The following WDFY3 variants were observed in gnomAD, a reference collection of about 807,000 sequenced individuals.
WDFY3 encodes the protein WD repeat and FYVE domain-containing protein 3.
Under a neutral mutation model 409.6 loss-of-function variants are expected in WDFY3, and 66 were observed. The observed-to-expected ratio is 0.16, with a 90% CI of 0.13 to 0.20. The LOEUF (loss-of-function observed/expected upper bound fraction) is 0.20, where lower values mean the gene tolerates loss of function less well. Among genes scored for constraint, WDFY3 ranks in the 10% least tolerant of loss-of-function variants. The pLI is 1.00. For synonymous variants in WDFY3, 1,521 were observed against 1,537.1 expected (o/e 0.99, Z 0.25); for missense variants, 3,031 against 4,298.1 (o/e 0.71, Z 8.24).
chr4:84,817,924 G>A (rs1408453032), intron 12 of WDFY3, among the ~76,000 whole-genome samples: 2 of 152,016 alleles, frequency 1.3e-5, no homozygotes, highest in Non-Finnish European at 2.9e-5. Context: ...GGCTTTCAGA[G>A]GAACAATAGC....
At chr4:84,749,332 T>C (rs1740079554) in intron 36 of WDFY3, among the ~76,000 whole-genome samples, 1 of 152,208 alleles carries the variant, frequency 6.6e-6, no homozygotes. Flanking sequence ...TGTATATGTA[T>C]TCTGCATATG....
intron 34 of WDFY3, among the ~76,000 whole-genome samples, chr4:84,754,970 A>G (rs77798012): frequency 6.6e-6 from 1 of 152,158 alleles, no homozygotes; most frequent in Non-Finnish European, 1.5e-5. Flanking sequence ...TAAGAGATGC[A>G]TGCTATTATT....
At chr4:84,811,912 C>A (rs573404287) in intron 13 of WDFY3, among the ~76,000 whole-genome samples, 2 of 152,140 alleles carry the variant, frequency 1.3e-5, no homozygotes, top group East Asian at 3.9e-4. Context: ...ATACACATAG[C>A]CTGAAGGTAA....
intron 4 of WDFY3, among the ~76,000 whole-genome samples, chr4:84,850,751 C>T (rs1758801735): frequency 6.6e-6 from 1 of 151,986 alleles, no homozygotes; most frequent in Non-Finnish European, 1.5e-5. Flanking sequence ...ATTCACTAAA[C>T]TCATTTCATG....
At chr4:84,858,425 AAAAT>A (rs1363468777) in intron 4 of WDFY3, among the ~76,000 whole-genome samples, 2 of 152,328 alleles carry the variant, frequency 1.3e-5, no homozygotes, top group African/African-American at 2.4e-5. Flanking sequence ...ACATACTAAA[AAAAT>A]AAATAAATAA....
chr4:84,961,463 T>C (rs991702900), intron 1 of WDFY3, among the ~76,000 whole-genome samples: 3 of 152,136 alleles, frequency 2.0e-5, no homozygotes, highest in African/African-American at 7.2e-5. Flanking sequence ...AACAAAGCTT[T>C]ATCTACCTGT....
Position 84,833,848 on chromosome 4 carries a change from T to C in WDFY3, c.577-2243A>G, listed in dbSNP as rs1476828422. Among the ~76,000 whole-genome samples the C allele has an allele frequency of 5.3e-5, 8 of 152,096 alleles. No homozygotes were observed. The South Asian group carries it at 1.4e-3, about 28-fold the overall frequency. ...TCAAATGCAAAAACTTGCTTAGATA[T>C]AAAAGCTTTCTAATTCATAGCTGCC... On this transcript the variant is annotated intron_variant, in intron 7 of 67. Transcript: ENST00000295888.
intron 36 of WDFY3, among the ~76,000 whole-genome samples, chr4:84,750,261 C>G (rs1450568538): frequency 2.0e-5 from 3 of 152,030 alleles, no homozygotes; most frequent in Non-Finnish European, 4.4e-5. Context: ...TTAATTCTAC[C>G]ACATGCATTA....
intron 5 of WDFY3, chr4:84,844,606 C>CCAT: frequency 9.8e-7 from 1 of 1,021,398 alleles, no homozygotes; most frequent in Non-Finnish European, 1.3e-6. Context: ...TCCAGTCTCT[C>CCAT]CATTGCTGGA....
At chr4:84,894,878 G>A (rs1023283723) in intron 3 of WDFY3, among the ~76,000 whole-genome samples, 30 of 151,320 alleles carry the variant, frequency 2.0e-4, no homozygotes, top group African/African-American at 7.3e-4. Context: ...TGAACCTGGG[G>A]GGAGGAGATT....
Position 84,733,446 on chromosome 4 carries a change from C to T in WDFY3, c.7157G>A (p.Arg2386Gln). The change falls in exon 44 of 68, where the codon CGA (arginine) becomes CAA (glutamine). Residue 2386 changes from arginine (R) to glutamine (Q), a missense_variant. Arg to Gln is a conservative substitution (Grantham distance 43). Coordinates refer to ENST00000295888, the MANE Select transcript of WDFY3 (RefSeq NM_014991.6). ...GPCRMRKKMV[R>Q]NDMFYNHYPY... ...GTAATGGTTATAAAACATATCATTT[C>T]GCACCATCTTTTTCCTCATCCTGCA... 3.1e-6 allele frequency: 5 copies of T among 1,614,084 alleles called. No homozygotes were observed. Among genetic ancestry groups the T allele is most frequent in the Non-Finnish European group, 4.2e-6 (5 of 1,180,026 alleles).
chr4:84,871,302 T>C (rs998539322), intron 3 of WDFY3, among the ~76,000 whole-genome samples: 5 of 152,094 alleles, frequency 3.3e-5, no homozygotes, highest in Admixed American at 3.3e-4. Flanking sequence ...GCTTCTCATC[T>C]AAAACATGCA....
intron 4 of WDFY3, among the ~76,000 whole-genome samples, chr4:84,850,775 T>G (rs1211731653): frequency 1.3e-5 from 2 of 152,096 alleles, no homozygotes; most frequent in East Asian, 3.9e-4. Context: ...CAGAATTTCC[T>G]CAGTCTAATC....
At chr4:84,764,482 T>C (rs568127230) in intron 32 of WDFY3, among the ~76,000 whole-genome samples, 6 of 152,346 alleles carry the variant, frequency 3.9e-5, no homozygotes, top group African/African-American at 1.4e-4. Context: ...ATGGAAATGA[T>C]ATTACTTTTC....
At chr4:84,853,242 C>T (rs1038707774) in intron 4 of WDFY3, among the ~76,000 whole-genome samples, 4 of 152,206 alleles carry the variant, frequency 2.6e-5, no homozygotes, top group African/African-American at 9.6e-5. Context: ...ACAATCTCGG[C>T]TCACTGCAAC....
rs1256590901 is a variant in WDFY3, at chr4:84,672,217, G to A, written c.*651C>T. On this transcript the variant is annotated 3_prime_UTR_variant, in exon 68 of 68. Coordinates refer to ENST00000295888, the MANE Select transcript of WDFY3 (RefSeq NM_014991.6). The stretch of plus-strand genomic sequence containing the variant: ...CTAGCCTAGTTTAAGTGGAGATACT[G>A]TGGGCAACTTGAAAGAAATGACATC... The A allele has an allele frequency of 1.3e-5, 2 of 152,138 alleles. No individual in the cohort carries two copies. Among genetic ancestry groups the A allele is most frequent in the African/African-American group, 4.8e-5 (2 of 41,402 alleles). 9.4% of individuals were successfully genotyped at this position (152,138 alleles called of 1,614,324 possible).
chr4:84,822,869 C>T (rs1754286981), intron 10 of WDFY3, among the ~76,000 whole-genome samples: 1 of 152,148 alleles, frequency 6.6e-6, no homozygotes, highest in Non-Finnish European at 1.5e-5. Flanking sequence ...AAAAATTTAT[C>T]TTTGTTTCCT....
intron 32 of WDFY3, among the ~76,000 whole-genome samples, chr4:84,761,588 C>G (rs1331499223): frequency 1.3e-5 from 2 of 151,978 alleles, no homozygotes; most frequent in African/African-American, 4.8e-5. Flanking sequence ...AAAGCAATGG[C>G]AACAAAAGCC....
intron 4 of WDFY3, among the ~76,000 whole-genome samples, chr4:84,850,905 C>A (rs367853319): frequency 3.2e-5 from 2 of 62,380 alleles, no homozygotes; most frequent in Non-Finnish European, 6.5e-5. Flanking sequence ...ATAAATAATT[C>A]TTATTTTTAA....
Sources: allele counts gnomAD v4.1 joint callset (sites outside exome capture counted in the v4.1 genomes callset), GRCh38; gene constraint gnomAD v4.1.1; transcripts MANE v1.5; gene names NCBI Gene and HGNC (gene_info 2026-07-23, HGNC 2026-07-21).